The following KCTD13 variants were observed in gnomAD, a reference collection of about 807,000 sequenced individuals.
KCTD13 encodes BTB/POZ domain-containing adapter for CUL3-mediated RhoA degradation protein 1.
A neutral mutation model predicts 32.3 loss-of-function variants in KCTD13; 15 were observed. The ratio of observed to expected loss-of-function variants is 0.46; its 90% CI spans 0.31 to 0.71. KCTD13 has a LOEUF of 0.71. KCTD13 is among the 30% of genes least tolerant of loss of function. The probability of loss-of-function intolerance (pLI) is 0.05; values close to 1 mark genes in which losing one functional copy is unlikely to be tolerated. For synonymous variants in KCTD13, 189 were observed against 200.1 expected (o/e 0.94, Z 0.47); for missense variants, 337 against 452.6 (o/e 0.74, Z 2.32).
At chr16:29,925,407 C>T (rs894739352) in intron 1 of KCTD13, 7 of 297,834 alleles carry the variant, frequency 2.4e-5, no homozygotes, top group African/African-American at 4.5e-5. Flanking sequence ...GCTGGGCAGT[C>T]GGAAGAAACT....
At position 29,908,704 on chromosome 16, in the gene KCTD13, G is replaced by A. The variant is rs531584608; in HGVS notation, c.754-1596C>T. Among the ~76,000 whole-genome samples, 207 of 130,428 alleles carry A rather than the reference G, an allele frequency of 1.6e-3. 1 individual carries two copies. The Middle Eastern group carries it at 0.027, about 17-fold the overall frequency. 85.6% of individuals were successfully genotyped at this position (130,428 alleles called of 152,430 possible). A position where few individuals can be genotyped will look rare whatever the true frequency, so the allele number is the denominator to read the frequency against. On this transcript the variant is annotated intron_variant, in intron 5 of 5. Coordinates refer to ENST00000568000, the MANE Select transcript of KCTD13 (RefSeq NM_178863.5). Reference sequence around the variant, plus strand: ...CGGCCTTTTTTTTTTTTTTTTAATCGTTGTTTGTTTGTTTCTAAGACAAGA... The same window carrying A: ...CGGCCTTTTTTTTTTTTTTTTAATCATTGTTTGTTTGTTTCTAAGACAAGA...
At position 29,924,087 on chromosome 16, in the gene KCTD13, T is replaced by C. The variant is rs1419248911; in HGVS notation, c.245-728A>G. The stretch of plus-strand genomic sequence containing the variant: ...TACTCAGGAGGCTGAGGCAGGAGAA[T>C]TGCTTGAATCCGGGAGGTGGGGGTT... On this transcript the variant is annotated intron_variant, in intron 1 of 5. Transcript: ENST00000568000. 3.3e-5 allele frequency among the ~76,000 whole-genome samples: 5 copies of C among 150,928 alleles called. No individual in the cohort carries two copies. The East Asian group carries it at 7.8e-4, about 23-fold the overall frequency.
rs759446087 is a variant in KCTD13, at chr16:29,925,774, G to T, written c.244+16C>A. 1 of 1,611,662 alleles carries T rather than the reference G, an allele frequency of 6.2e-7. No individual in the cohort carries two copies. Among genetic ancestry groups the T allele is most frequent in the Non-Finnish European group, 8.5e-7 (1 of 1,179,392 alleles). ...GGGGGTCTGGGGTGGGGGCACGGTA[G>T]GGGCGCCGCTCGTACCTCCGGCATC... On this transcript the variant is annotated intron_variant, in intron 1 of 5. Coordinates refer to ENST00000568000, the MANE Select transcript of KCTD13 (RefSeq NM_178863.5).
At chr16:29,925,042 G>A (rs193117166) in intron 1 of KCTD13, among the ~76,000 whole-genome samples, 2 of 152,102 alleles carry the variant, frequency 1.3e-5, no homozygotes, top group South Asian at 2.1e-4. Context: ...GATACTTGAA[G>A]GCAGATCTCC....
Position 29,926,062 on chromosome 16 carries a change from C to A in KCTD13, c.-29G>T. On this transcript the variant is annotated 5_prime_UTR_variant, in exon 1 of 6. Coordinates refer to ENST00000568000, the MANE Select transcript of KCTD13 (RefSeq NM_178863.5). ...GGGTAGCAGCGGCGGACGGCGATCC[C>A]AGGATCTCTCCGCGCCCTGCGGCCT... is the stretch of plus-strand genomic sequence containing the variant. 6.8e-7 allele frequency: 1 copy of A among 1,467,786 alleles called. No individual in the cohort carries two copies. Among genetic ancestry groups the A allele is most frequent in the Non-Finnish European group, 9.0e-7 (1 of 1,116,704 alleles). 90.9% of individuals were successfully genotyped at this position (1,467,786 alleles called of 1,614,324 possible). A position where few individuals can be genotyped will look rare whatever the true frequency, so the allele number is the denominator to read the frequency against.
Position 29,911,125 on chromosome 16 carries a change from C to A in KCTD13, c.606G>T (p.Leu202=), listed in dbSNP as rs749748215. The change falls in exon 5 of 6, where the codon CTG becomes CTT. Residue 202 remains leucine (L), a synonymous_variant. Coordinates refer to ENST00000568000, the MANE Select transcript of KCTD13 (RefSeq NM_178863.5). ...GTAGCCGCCCGTGGAAGCGCAGGGC[C>A]AGCTTGTCGAACAGCTCGATGTTCT... ...LLKNIELFDK[L]ALRFHGRLLF... 1.1e-5 allele frequency: 18 copies of A among 1,614,050 alleles called. No individual in the cohort carries two copies. The highest frequency in any genetic ancestry group is 1.5e-5 in the Non-Finnish European group (18 of 1,180,014).
chr16:29,911,746 G>T, intron 4 of KCTD13, 69 bp downstream of exon 4: 1 of 1,563,496 alleles, frequency 6.4e-7, no homozygotes, highest in Non-Finnish European at 8.8e-7. Flanking sequence ...CGTGGCCCTC[G>T]CCTTGGGCAG....
At chr16:29,917,584 A>C (rs2068832601) in intron 2 of KCTD13, among the ~76,000 whole-genome samples, 1 of 152,152 alleles carries the variant, frequency 6.6e-6, no homozygotes, top group African/African-American at 2.4e-5. Context: ...GTTCGAGACC[A>C]GTCTGGCCAA....
intron 5 of KCTD13, 62 bp downstream of exon 5, chr16:29,910,916 T>G (rs2068695746): frequency 6.7e-7 from 1 of 1,501,396 alleles, no homozygotes; most frequent in East Asian, 2.3e-5. Flanking sequence ...AACCTGCTTT[T>G]GTCCAGGGTC....
chr16:29,916,700 T>C (rs1433228564), intron 2 of KCTD13, among the ~76,000 whole-genome samples: 1 of 152,164 alleles, frequency 6.6e-6, no homozygotes, highest in Non-Finnish European at 1.5e-5. Flanking sequence ...TCTGTCTCTA[T>C]TTAAAAATAA....
At chr16:29,910,891 G>T in intron 5 of KCTD13, 87 bp downstream of exon 5, 2 of 1,274,300 alleles carry the variant, frequency 1.6e-6, no homozygotes, top group Non-Finnish European at 2.2e-6. Flanking sequence ...CTGGTGGTGG[G>T]CTCCTTCCCC....
chr16:29,925,771 G>A lies in KCTD13; in HGVS notation c.244+19C>T, dbSNP rs1233860555. The A allele has an allele frequency of 1.2e-6, 2 of 1,611,076 alleles. No homozygotes were observed. Among genetic ancestry groups the A allele is most frequent in the African/African-American group, 1.3e-5 (1 of 74,948 alleles). ...GTTGGGGGTCTGGGGTGGGGGCACG[G>A]TAGGGGCGCCGCTCGTACCTCCGGC... is the stretch of plus-strand genomic sequence containing the variant. On this transcript the variant is annotated intron_variant, in intron 1 of 5. Transcript: ENST00000568000.
At chr16:29,924,597 T>C (rs943129063) in intron 1 of KCTD13, among the ~76,000 whole-genome samples, 1 of 152,242 alleles carries the variant, frequency 6.6e-6, no homozygotes. Context: ...TACTTGCTTA[T>C]TGGTCTTCTG....
chr16:29,918,687 C>T (rs1480293577), intron 2 of KCTD13, among the ~76,000 whole-genome samples: 3 of 150,536 alleles, frequency 2.0e-5, no homozygotes, highest in African/African-American at 4.9e-5. Flanking sequence ...GATGGAGTCT[C>T]GCACTGTTGC....
chr16:29,911,093 A>G lies in KCTD13; in HGVS notation c.638T>C (p.Leu213Pro), dbSNP rs756706627. 1.2e-6 allele frequency: 2 copies of G among 1,614,042 alleles called. No individual in the cohort carries two copies. The highest frequency in any genetic ancestry group is 3.3e-5 in the Admixed American group (2 of 59,994). The change falls in exon 5 of 6, where the codon CTC becomes CCC. Residue 213 changes from leucine to proline, a missense_variant. Coordinates refer to ENST00000568000, the MANE Select transcript of KCTD13 (RefSeq NM_178863.5). ...GATCTCGTCCCCCAGGACATCCTTGAGGAAGAGTAGCCGCCCGTGGAAGCG... is the reference window on the plus strand; with the variant it reads ...GATCTCGTCCCCCAGGACATCCTTGGGGAAGAGTAGCCGCCCGTGGAAGCG... The part of the protein sequence containing the change: ...ALRFHGRLLF[L>P]KDVLGDEICC...
Position 29,906,814 on chromosome 16 carries a change from G to C in KCTD13, c.*58C>G. 1 of 1,480,406 alleles carries C rather than the reference G, an allele frequency of 6.8e-7. No homozygotes were observed. Among genetic ancestry groups the C allele is most frequent in the Non-Finnish European group, 9.4e-7 (1 of 1,067,978 alleles). The allele number at this position is 1,480,406 out of a possible 1,614,324, so 91.7% of individuals were successfully genotyped here. A position where few individuals can be genotyped will look rare whatever the true frequency, so the allele number is the denominator to read the frequency against. ...CCGGGGCAAAAGTCTGGGAAGGGGA[G>C]GGAAAGAGAGAGGGACTGGGTCCCA... is the stretch of plus-strand genomic sequence containing the variant. On this transcript the variant is annotated 3_prime_UTR_variant, in exon 6 of 6. Coordinates refer to ENST00000568000, the MANE Select transcript of KCTD13 (RefSeq NM_178863.5).
At chr16:29,912,464 CAG>C (rs1332991346) in intron 2 of KCTD13, 3 of 225,142 alleles carry the variant, frequency 1.3e-5, no homozygotes, top group East Asian at 1.7e-4. Flanking sequence ...TTTTTTGAGA[CAG>C]AGTTTCGCTT....
chr16:29,918,542 C>T (rs1264540138), intron 2 of KCTD13, among the ~76,000 whole-genome samples: 1 of 152,196 alleles, frequency 6.6e-6, no homozygotes, highest in African/African-American at 2.4e-5. Context: ...GCAACCTTGA[C>T]TCACTGCAAC....
intron 2 of KCTD13, chr16:29,914,781 A>T (rs2068780760): frequency 6.6e-6 from 1 of 152,260 alleles, no homozygotes; most frequent in Admixed American, 6.5e-5. Context: ...GAGACAGGTC[A>T]TCTCCACACT....
Sources: allele counts gnomAD v4.1 joint callset (sites outside exome capture counted in the v4.1 genomes callset), GRCh38; gene constraint gnomAD v4.1.1; transcripts MANE v1.5; gene names NCBI Gene and HGNC (gene_info 2026-07-23, HGNC 2026-07-21).